INO80: variants seen among roughly 807,000 people sequenced by gnomAD.
INO80 encodes the protein chromatin-remodeling ATPase INO80.
INO80 carries 20 observed loss-of-function variants against 203.4 expected under a neutral mutation model. The ratio of observed to expected loss-of-function variants is 0.10; its 90% CI spans 0.07 to 0.14. INO80 has a LOEUF of 0.14. Ranked by LOEUF, INO80 falls within the 10% of genes least tolerant of loss-of-function variation. INO80 has a pLI of 1.00. For missense variants in INO80, 1,419 were observed against 1,914.4 expected (o/e 0.74, Z 4.83); for synonymous variants, 726 against 685.2 (o/e 1.06, Z -0.93).
chr15:41,040,751 T>C (rs2044653362), intron 24 of INO80, among the ~76,000 whole-genome samples: 1 of 151,516 alleles, frequency 6.6e-6, no homozygotes, highest in African/African-American at 2.4e-5. Context: ...CATTCCAGCC[T>C]GGGCAACAGA....
At chr15:40,997,720 G>C in intron 28 of INO80, 119 bp from the exon 29 acceptor site, 1 of 680,358 alleles carries the variant, frequency 1.5e-6, no homozygotes, top group East Asian at 2.8e-5. Flanking sequence ...AGTTTTGGTG[G>C]TTACCTAGGC....
intron 24 of INO80, among the ~76,000 whole-genome samples, chr15:41,044,510 G>A (rs2140517458): frequency 6.6e-6 from 1 of 152,254 alleles, no homozygotes; most frequent in Non-Finnish European, 1.5e-5. Context: ...GGTGACAGAA[G>A]TAGAATATGG....
intron 24 of INO80, among the ~76,000 whole-genome samples, chr15:41,031,471 G>A (rs2044461103): frequency 7.9e-6 from 1 of 126,096 alleles, no homozygotes; most frequent in Non-Finnish European, 1.7e-5. Flanking sequence ...GAGGGAAGGA[G>A]GGAGAGAAGG....
At position 41,079,873 on chromosome 15, in the gene INO80, C is replaced by A; in HGVS notation, c.959G>T (p.Arg320Leu). The change falls in exon 9 of 36, where the codon CGA (arginine) becomes CTA (leucine). Residue 320 changes from arginine (R) to leucine (L), a missense_variant. By Grantham distance (102) the Arg-to-Leu change is moderately radical. Coordinates refer to ENST00000648947, the MANE Select transcript of INO80 (RefSeq NM_017553.3). ...GTTCTTCTGGGCCTGCAAGGCAGCT[C>A]GACGCACCTCCTTCATGCACTGGTG... ...LAHQCMKEVR[R>L]AALQAQKNCK... is the part of the protein sequence containing the mutation. 6.2e-7 allele frequency: 1 copy of A among 1,614,082 alleles called. No homozygotes were observed. The highest frequency in any genetic ancestry group is 8.5e-7 in the Non-Finnish European group (1 of 1,180,036).
At chr15:41,097,011 T>C (rs756458846) in intron 1 of INO80, among the ~76,000 whole-genome samples, 1 of 151,882 alleles carries the variant, frequency 6.6e-6, no homozygotes, top group African/African-American at 2.4e-5. Context: ...AAGACAACAT[T>C]AGGGTCAGAA....
rs2044493913 is a variant in INO80, at chr15:41,032,062, GGA to G, written c.2908-4328_2908-4327del. Among the ~76,000 whole-genome samples the G allele has an allele frequency of 6.1e-4, 45 of 73,744 alleles. 1 individual carries two copies. The highest frequency in any genetic ancestry group is 1.5e-3 in the African/African-American group (32 of 21,098). The allele number at this position is 73,744 out of a possible 152,430, so 48.4% of individuals were successfully genotyped here. A position where few individuals can be genotyped will look rare whatever the true frequency, so the allele number is the denominator to read the frequency against. ...GCACAGCACAGCACAGCACAGCACA[GGA>G]CAGCACAGGACAGCACAGCACAGCA... On this transcript the variant is annotated intron_variant, in intron 24 of 35. Coordinates refer to ENST00000648947, the MANE Select transcript of INO80 (RefSeq NM_017553.3).
chr15:41,086,029 T>C (rs930720589), intron 6 of INO80, among the ~76,000 whole-genome samples: 11 of 152,120 alleles, frequency 7.2e-5, no homozygotes, highest in African/African-American at 2.7e-4. Flanking sequence ...AAATTTCTTT[T>C]GAACCTAATA....
intron 15 of INO80, 32 bp from the exon 16 acceptor site, chr15:41,058,813 G>C (rs1247492660): frequency 3.8e-6 from 6 of 1,594,502 alleles, no homozygotes; most frequent in Non-Finnish European, 5.1e-6. Flanking sequence ...GGTGAAAAGA[G>C]AAACCTAATA....
At chr15:41,071,746 C>A in intron 12 of INO80, 103 bp downstream of exon 12, 1 of 1,056,914 alleles carries the variant, frequency 9.5e-7, no homozygotes, top group Non-Finnish European at 1.4e-6. Flanking sequence ...CAGGCATGAG[C>A]CACCGCGCTC....
In INO80 at chr15:41,045,135, C is replaced by A. The variant is rs1248101118; in HGVS notation, c.2736-60G>T. ...GCTCCATGGAGGTTTGAGGGTCGTTCATAGCAGCAAGGATTGTCTCTCATT... is the reference window on the plus strand; with the variant it reads ...GCTCCATGGAGGTTTGAGGGTCGTTAATAGCAGCAAGGATTGTCTCTCATT... On this transcript the variant is annotated intron_variant, in intron 23 of 35. Transcript: ENST00000648947. 3.0e-6 allele frequency: 4 copies of A among 1,348,160 alleles called. No individual in the cohort carries two copies. In the African/African-American group the frequency reaches 4.4e-5, roughly 15 times the overall value. The allele number at this position is 1,348,160 out of a possible 1,614,324, so 83.5% of individuals were successfully genotyped here.
chr15:41,070,013 A>G (rs935254477), intron 13 of INO80, among the ~76,000 whole-genome samples: 4 of 152,084 alleles, frequency 2.6e-5, no homozygotes, highest in Non-Finnish European at 4.4e-5. Flanking sequence ...CTTTTTTTTC[A>G]GTTTTACGCA....
At chr15:41,100,438 T>G (rs2045791228) in intron 1 of INO80, among the ~76,000 whole-genome samples, 1 of 152,190 alleles carries the variant, frequency 6.6e-6, no homozygotes, top group Non-Finnish European at 1.5e-5. Flanking sequence ...CAAAAACAAT[T>G]TGTTGAAGAA....
intron 25 of INO80, among the ~76,000 whole-genome samples, chr15:41,025,156 G>A (rs1459120839): frequency 6.6e-6 from 1 of 152,200 alleles, no homozygotes; most frequent in Non-Finnish European, 1.5e-5. Context: ...CATGTTCACA[G>A]CAATTAGAGT....
At chr15:41,005,712 A>G (rs867146155) in intron 27 of INO80, 25 bp from the exon 28 acceptor site, 5 of 1,274,762 alleles carry the variant, frequency 3.9e-6, no homozygotes, top group Middle Eastern at 1.8e-4. Flanking sequence ...AAAAGGACAC[A>G]GTAAATCTGA....
intron 17 of INO80, among the ~76,000 whole-genome samples, chr15:41,056,357 T>G (rs2044984943): frequency 6.6e-6 from 1 of 152,220 alleles, no homozygotes; most frequent in Non-Finnish European, 1.5e-5. Flanking sequence ...AAAACACGTC[T>G]CTGCATTAAA....
At chr15:40,980,574 C>CA in intron 35 of INO80, 134 bp from the exon 36 acceptor site, 1 of 650,252 alleles carries the variant, frequency 1.5e-6, no homozygotes, top group Non-Finnish European at 2.8e-6. Context: ...TCCTTGCTAA[C>CA]AACTTCTTGG....
intron 28 of INO80, among the ~76,000 whole-genome samples, chr15:41,002,833 G>A (rs1448077345): frequency 1.3e-5 from 2 of 152,180 alleles, no homozygotes; most frequent in African/African-American, 2.4e-5. Flanking sequence ...GGCTGGATGC[G>A]GTGGCTCACG....
At position 41,059,887 on chromosome 15, in the gene INO80, T is replaced by C. The variant is rs778399588; in HGVS notation, c.1822A>G (p.Ile608Val). ...YWGNPHDRKV[I>V]RRFWSQKTLY... ...GTTACCTGACTCCAGAACCTTCTGA[T>C]GACTTTTCTATCATGAGGATTTCCC... is the stretch of plus-strand genomic sequence containing the variant. The change falls in exon 15 of 36, where the codon ATC (isoleucine) becomes GTC (valine). Residue 608 changes from isoleucine to valine, a missense_variant. Ile to Val is a conservative substitution (Grantham distance 29). Around this residue, in one of 9 missense-constraint regions of INO80, gnomAD observed 192 missense variants for 406.7 expected, o/e 0.47. Transcript: ENST00000648947. The C allele has an allele frequency of 6.2e-7, 1 of 1,612,108 alleles. No individual in the cohort carries two copies. Among genetic ancestry groups the C allele is most frequent in the South Asian group, 1.1e-5 (1 of 90,922 alleles).
intron 5 of INO80, among the ~76,000 whole-genome samples, chr15:41,091,650 C>CT (rs746421749): frequency 0.028 from 2,477 of 88,138 alleles, 110 homozygotes; most frequent in African/African-American, 0.078. Context: ...TGATGTATCT[C>CT]TTTTTTTTTT....
Sources: gnomAD v4.1 joint callset for allele counts (sites outside exome capture counted in the v4.1 genomes callset) on GRCh38, gnomAD v4.1.1 for gene constraint, gnomAD v4.1.1 regional missense constraint, MANE v1.5 for transcripts, NCBI Gene and HGNC (gene_info 2026-07-23, HGNC 2026-07-21) for gene names.